Variants in CORIN observed in about 807,000 individuals in gnomAD.
CORIN encodes the protein atrial natriuretic peptide-converting enzyme.
CORIN carries 117 observed loss-of-function variants against 125.3 expected under a neutral mutation model. The observed-to-expected ratio is 0.93, with a 90% confidence interval of 0.80 to 1.09. The LOEUF (loss-of-function observed/expected upper bound fraction) is 1.09. CORIN is among the 50% of genes least tolerant of loss of function. CORIN has a pLI of 0.00. For missense variants in CORIN, 1,253 were observed against 1,306.7 expected (o/e 0.96, Z 0.63); for synonymous variants, 450 against 466.4 (o/e 0.96, Z 0.45).
intron 17 of CORIN, among the ~76,000 whole-genome samples, chr4:47,624,400 C>T (rs1722469790): frequency 6.6e-6 from 1 of 151,958 alleles, no homozygotes; most frequent in African/African-American, 2.4e-5. Flanking sequence ...GTGGTGTGTG[C>T]TCAAAACAAG....
chr4:47,782,395 A>G (rs1730595482), intron 3 of CORIN, among the ~76,000 whole-genome samples: 1 of 151,832 alleles, frequency 6.6e-6, no homozygotes, highest in African/African-American at 2.4e-5. Flanking sequence ...AAGAAAAAAA[A>G]AAAAAAAGAA....
intron 5 of CORIN, among the ~76,000 whole-genome samples, chr4:47,741,545 T>C (rs997054271): frequency 1.3e-5 from 2 of 152,026 alleles, no homozygotes; most frequent in African/African-American, 4.8e-5. Flanking sequence ...TACTCCTAGG[T>C]ATATAGCTGA....
chr4:47,742,702 C>A (rs1203365657), intron 5 of CORIN, among the ~76,000 whole-genome samples: 4 of 151,798 alleles, frequency 2.6e-5, no homozygotes, highest in Non-Finnish European at 5.9e-5. Flanking sequence ...TTAATGCAGT[C>A]CCAATTTAAA....
At chr4:47,784,223 G>A (rs1400667974) in intron 3 of CORIN, among the ~76,000 whole-genome samples, 1 of 152,092 alleles carries the variant, frequency 6.6e-6, no homozygotes, top group Non-Finnish European at 1.5e-5. Context: ...CATTATTACT[G>A]AAATGTATGG....
chr4:47,752,021 C>T (rs1728925337), intron 4 of CORIN, among the ~76,000 whole-genome samples: 2 of 152,078 alleles, frequency 1.3e-5, no homozygotes, highest in South Asian at 4.2e-4. Flanking sequence ...CCATCATGAC[C>T]TCTTTTCCCA....
chr4:47,696,800 T>A (rs912760700), intron 5 of CORIN, among the ~76,000 whole-genome samples: 1 of 152,192 alleles, frequency 6.6e-6, no homozygotes, highest in African/African-American at 2.4e-5. Context: ...CACCTTGAGA[T>A]TTTCTGCAAT....
chr4:47,637,433 G>A (rs1289611656), intron 16 of CORIN, among the ~76,000 whole-genome samples: 1 of 152,236 alleles, frequency 6.6e-6, no homozygotes, highest in Non-Finnish European at 1.5e-5. Context: ...CTTCATGGCA[G>A]CCCCTCCCAT....
chr4:47,633,191 G>C (rs971918633), intron 16 of CORIN, among the ~76,000 whole-genome samples: 1 of 152,086 alleles, frequency 6.6e-6, no homozygotes, highest in Non-Finnish European at 1.5e-5. Context: ...CAAAGCAAAG[G>C]GGGGAGGTTA....
chr4:47,709,492 A>G (rs780221568), intron 5 of CORIN, among the ~76,000 whole-genome samples: 2 of 151,936 alleles, frequency 1.3e-5, no homozygotes, highest in Non-Finnish European at 2.9e-5. Flanking sequence ...GGGTTTTGCC[A>G]TGTTGCCCAG....
chr4:47,634,876 G>C (rs1396131148), intron 16 of CORIN, among the ~76,000 whole-genome samples: 1 of 152,068 alleles, frequency 6.6e-6, no homozygotes, highest in Non-Finnish European at 1.5e-5. Flanking sequence ...GAGAAGGAAG[G>C]GATGTAGGTC....
intron 15 of CORIN, among the ~76,000 whole-genome samples, chr4:47,642,277 T>C (rs527431682): frequency 6.6e-6 from 1 of 152,190 alleles, no homozygotes; most frequent in African/African-American, 2.4e-5. Context: ...TAGACTCTAA[T>C]GAAAGAGACA....
At chr4:47,767,789 A>G (rs958464604) in intron 3 of CORIN, among the ~76,000 whole-genome samples, 9 of 152,212 alleles carry the variant, frequency 5.9e-5, no homozygotes, top group Admixed American at 5.2e-4. Flanking sequence ...AGAGATTACT[A>G]TAAATAATTA....
intron 20 of CORIN, 138 bp downstream of exon 20, chr4:47,603,259 C>G (rs1721517411): frequency 2.5e-6 from 2 of 809,152 alleles, no homozygotes; most frequent in Non-Finnish European, 3.9e-6. Flanking sequence ...GCTTCCCCTT[C>G]CGCCATGATT....
chr4:47,772,532 T>G (rs1024917249), intron 3 of CORIN, among the ~76,000 whole-genome samples: 7 of 152,200 alleles, frequency 4.6e-5, no homozygotes, highest in African/African-American at 1.7e-4. Context: ...AATTAAAATG[T>G]ATATAGTGTC....
At chr4:47,599,559 T>C (rs1196698640) in intron 21 of CORIN, among the ~76,000 whole-genome samples, 1 of 152,202 alleles carries the variant, frequency 6.6e-6, no homozygotes, top group Non-Finnish European at 1.5e-5. Context: ...GCCAGTCCAG[T>C]ATAATGTTCG....
At chr4:47,639,782 G>A (rs1336772765) in intron 16 of CORIN, among the ~76,000 whole-genome samples, 1 of 152,230 alleles carries the variant, frequency 6.6e-6, no homozygotes, top group East Asian at 1.9e-4. Flanking sequence ...GGTCTCGAGA[G>A]ACAGTGGTCA....
chr4:47,750,514 G>A (rs1207914095), intron 4 of CORIN, among the ~76,000 whole-genome samples: 2 of 152,186 alleles, frequency 1.3e-5, no homozygotes, highest in Non-Finnish European at 2.9e-5. Context: ...GGTACAGGCA[G>A]GGTTTAGATA....
rs1462995348 is a variant in CORIN at position 47,651,363 on chromosome 4, G to A, written c.1843+2190C>T. On this transcript the variant is annotated intron_variant, in intron 13 of 21. Coordinates refer to ENST00000273857, the MANE Select transcript of CORIN (RefSeq NM_006587.4). ...TGGTGCTTGCATTACCAGATGGTGTGCCTATGCACATACGAAAACAGAAAG... is the reference window on the plus strand; with the variant it reads ...TGGTGCTTGCATTACCAGATGGTGTACCTATGCACATACGAAAACAGAAAG... 2.6e-5 allele frequency among the ~76,000 whole-genome samples: 4 copies of A among 152,244 alleles called. No individual in the cohort carries two copies. The East Asian group carries it at 7.7e-4, about 29-fold the overall frequency.
chr4:47,615,780 A>G (rs1162226353), intron 19 of CORIN, among the ~76,000 whole-genome samples: 1 of 152,214 alleles, frequency 6.6e-6, no homozygotes, highest in African/African-American at 2.4e-5. Flanking sequence ...TATGGTTCAA[A>G]TCACCCAGCT....
Sources: gnomAD v4.1 joint callset for allele counts (sites outside exome capture counted in the v4.1 genomes callset) on GRCh38, gnomAD v4.1.1 for gene constraint, MANE v1.5 for transcripts, NCBI Gene and HGNC (gene_info 2026-07-23, HGNC 2026-07-21) for gene names.